IGSF9: variants seen among roughly 807,000 people sequenced by gnomAD.
IGSF9 encodes the protein protein turtle homolog A.
Under a neutral mutation model 121.7 loss-of-function variants are expected in IGSF9, and 87 were observed. The observed-to-expected ratio is 0.71, with a 90% CI of 0.60 to 0.85. The LOEUF is 0.85. IGSF9 is among the 40% of genes least tolerant of loss of function. The probability of loss-of-function intolerance (pLI) is 0.00; values close to 1 mark genes in which losing one functional copy is unlikely to be tolerated. For synonymous variants in IGSF9, 640 were observed against 648.4 expected, an observed-to-expected ratio of 0.99 and a Z score of 0.20; for missense variants, 1,462 against 1,565.3, an observed-to-expected ratio of 0.93 and a Z score of 1.11.
chr1:159,936,718 T>G (rs745604149), intron 5 of IGSF9, 36 bp downstream of exon 5: 1 of 1,607,476 alleles, frequency 6.2e-7, no homozygotes, highest in Non-Finnish European at 8.5e-7. Flanking sequence ...CCCTTCACAC[T>G]CTATATGGCT....
Position 159,932,069 on chromosome 1 carries a change from C to T in IGSF9, c.1246-141G>A, listed in dbSNP as rs1651020394. The T allele has an allele frequency of 1.6e-6, 1 of 613,166 alleles. No homozygotes were observed. 38.0% of individuals were successfully genotyped at this position (613,166 alleles called of 1,614,324 possible). A position where few individuals can be genotyped will look rare whatever the true frequency, so the allele number is the denominator to read the frequency against. ...AGCTAAACACTCACCAAGCCTGTCTCTACCTCATTCTCTCTCCATCTCTCA... is the reference window on the plus strand; with the variant it reads ...AGCTAAACACTCACCAAGCCTGTCTTTACCTCATTCTCTCTCCATCTCTCA... On this transcript the variant is annotated intron_variant, in intron 10 of 20. Coordinates refer to ENST00000368094, the MANE Select transcript of IGSF9 (RefSeq NM_001135050.2). This position sits in a 1 kb window ranked among gnomAD's most constrained non-coding sequence, Gnocchi z 4.1.
intron 17 of IGSF9, 45 bp from the exon 18 acceptor site, chr1:159,929,438 G>A (rs759034361): frequency 3.1e-6 from 5 of 1,604,542 alleles, no homozygotes; most frequent in East Asian, 2.2e-5. Context: ...AAAAATCAAG[G>A]CCCTCTAGGC....
Position 159,927,097 on chromosome 1 carries a change from C to CAGAGAGAGAG in IGSF9, c.*238_*247dup, listed in dbSNP as rs1553225973. 29 of 371,946 alleles carry CAGAGAGAGAG rather than the reference C, an allele frequency of 7.8e-5. No homozygotes were observed. Among genetic ancestry groups the CAGAGAGAGAG allele is most frequent in the South Asian group, 3.0e-4 (8 of 26,274 alleles). The allele number at this position is 371,946 out of a possible 1,614,324, so 23.0% of individuals were successfully genotyped here. On this transcript the variant is annotated 3_prime_UTR_variant, in exon 21 of 21. Transcript: ENST00000368094. ...AACTTCACACACACACACACACACA[C>CAGAGAGAGAG]AGAGAGAGAGAGAGAGAGAGAGAGA...
In IGSF9 at chr1:159,936,911, G is replaced by T; in HGVS notation, c.401-3C>A. ...TGTCTCCTGGAATTGAGGGGGTGCTGCAAGGGAGACAGGCATCAGGGGCCC... is the reference window on the plus strand; with the variant it reads ...TGTCTCCTGGAATTGAGGGGGTGCTTCAAGGGAGACAGGCATCAGGGGCCC... On this transcript the variant is annotated splice_polypyrimidine_tract_variant and splice_region_variant and intron_variant, in intron 4 of 20. Coordinates refer to ENST00000368094, the MANE Select transcript of IGSF9 (RefSeq NM_001135050.2). The T allele has an allele frequency of 6.2e-7, 1 of 1,614,012 alleles. No individual in the cohort carries two copies. Among genetic ancestry groups the T allele is most frequent in the Non-Finnish European group, 8.5e-7 (1 of 1,179,904 alleles).
intron 6 of IGSF9, among the ~76,000 whole-genome samples, chr1:159,935,167 C>T (rs991415618): frequency 3.9e-5 from 6 of 152,144 alleles, no homozygotes; most frequent in Non-Finnish European, 7.4e-5. Flanking sequence ...TTCTCTGTCT[C>T]TGGCCCTAAC....
At chr1:159,933,980 G>T in intron 9 of IGSF9, 1 of 587,852 alleles carries the variant, frequency 1.7e-6, no homozygotes, top group South Asian at 2.1e-5. Flanking sequence ...CCCCAAAGAA[G>T]ACACAAAACC....
rs151260511 is a variant in IGSF9, at chr1:159,941,358, G to A, written c.247+1605C>T. Among the ~76,000 whole-genome samples, 765 of 152,328 alleles carry A rather than the reference G, an allele frequency of 5.0e-3. 6 individuals carry two copies. Among genetic ancestry groups the A allele is most frequent in the Non-Finnish European group, 8.0e-3 (547 of 68,034 alleles). On this transcript the variant is annotated intron_variant, in intron 3 of 20. Transcript: ENST00000368094. ...CTGAGAGGCCCCTTCCACACTGTGA[G>A]GCAGTAAAAGGGTTAATGGGCTCAG...
intron 15 of IGSF9, 75 bp from the exon 16 acceptor site, chr1:159,930,050 G>T: frequency 2.6e-6 from 4 of 1,560,286 alleles, no homozygotes; most frequent in Non-Finnish European, 3.5e-6. Context: ...CGGAAAGACC[G>T]TGCACGTGGG....
chr1:159,927,436 A>T lies in IGSF9; in HGVS notation c.3449T>A (p.Leu1150Gln). The T allele has an allele frequency of 2.5e-6, 4 of 1,614,076 alleles. No homozygotes were observed. Among genetic ancestry groups the T allele is most frequent in the Non-Finnish European group, 2.5e-6 (3 of 1,180,014 alleles). The change falls in exon 21 of 21, where the codon CTG (leucine) becomes CAG (glutamine). Residue 1150 changes from leucine (L) to glutamine (Q), a missense_variant. Leu to Gln is a moderately radical substitution (Grantham distance 113, BLOSUM62 -2). Around this residue, in one of 3 missense-constraint regions of IGSF9, gnomAD observed 808 missense variants for 815.2 expected, o/e 0.99. Coordinates refer to ENST00000368094, the MANE Select transcript of IGSF9 (RefSeq NM_001135050.2). ...AGCATCTCGGCGGCGGCGGAAGGCC[A>T]GGAATTCCTCCCGAAGGGCAGCACA... ...ARCAALREEFLAFRRRRDATR... is the reference protein window; with the variant it reads ...ARCAALREEFQAFRRRRDATR...
At chr1:159,929,112 G>A (rs1650875349) in intron 18 of IGSF9, 94 bp from the exon 19 acceptor site, 4 of 1,437,076 alleles carry the variant, frequency 2.8e-6, no homozygotes, top group Admixed American at 2.4e-5. Context: ...GAACAACAGA[G>A]CAGAGCTAGG....
In IGSF9 at chr1:159,931,170, A is replaced by T. The variant is rs755120947; in HGVS notation, c.1605T>A (p.Tyr535Ter). The T allele has an allele frequency of 6.2e-7, 1 of 1,614,164 alleles. No homozygotes were observed. Among genetic ancestry groups the T allele is most frequent in the Non-Finnish European group, 8.5e-7 (1 of 1,180,006 alleles). Residue 535 changes from tyrosine to a stop codon, truncating the protein, a stop_gained, in exon 13 of 21, where the codon TAT (tyrosine) becomes TAA (stop). Transcript: ENST00000368094. LOFTEE classifies it high-confidence loss of function. This position sits in a 1 kb window ranked among gnomAD's most constrained non-coding sequence, Gnocchi z 4.8. ...VSWEPGFDGGYLQRFSVWYTP... is the reference protein window; with the variant it reads ...VSWEPGFDGG ...TGTACCAGACACTGAATCTCTGCAG[A>T]TAACCACCATCAAAGCCAGGCTCCC...
rs566383386 is a variant in IGSF9, at chr1:159,928,820, C to A, written c.2568G>T (p.Gly856=). 2.0e-6 allele frequency: 3 copies of A among 1,520,716 alleles called. No individual in the cohort carries two copies. Among genetic ancestry groups the A allele is most frequent in the African/African-American group, 2.8e-5 (2 of 71,660 alleles). The allele number at this position is 1,520,716 out of a possible 1,614,324, so 94.2% of individuals were successfully genotyped here. The change falls in exon 19 of 21, where the codon GGG becomes GGT. Residue 856 remains glycine, a synonymous_variant. Coordinates refer to ENST00000368094, the MANE Select transcript of IGSF9 (RefSeq NM_001135050.2). ...CRGPDGRFVM[G]PTVAAPQERS... ...TTTCCTGGGGGGCCGCCACAGTGGG[C>A]CCCATCACAAAGCGCCCGTCTGGGC...
chr1:159,929,367 C>CGGT lies in IGSF9; in HGVS notation c.2350_2352dup (p.Thr784dup), dbSNP rs2101874382. 1 of 1,614,082 alleles carries CGGT rather than the reference C, an allele frequency of 6.2e-7. No individual in the cohort carries two copies. The highest frequency in any genetic ancestry group is 1.1e-5 in the South Asian group (1 of 91,076). ...GGCACTTACGGTGCAGCTGACTTCC[C>CGGT]GGTCGGAGAGAAGATAAGAGGTGGA... On this transcript the variant is annotated inframe_insertion, in exon 18 of 21. Coordinates refer to ENST00000368094, the MANE Select transcript of IGSF9 (RefSeq NM_001135050.2).
chr1:159,931,380 CCT>C lies in IGSF9; in HGVS notation c.1513+71_1513+72del. On this transcript the variant is annotated intron_variant, in intron 12 of 20. Transcript: ENST00000368094. This position sits in a 1 kb window ranked among gnomAD's most constrained non-coding sequence, Gnocchi z 4.8. ...ATCCCAGGGGTCCCACACCCATGAT[CCT>C]CTTTCTGGGCCTCCAAAAACGATTC... 6.3e-7 allele frequency: 1 copy of C among 1,597,328 alleles called. No individual in the cohort carries two copies. The highest frequency in any genetic ancestry group is 1.1e-5 in the South Asian group (1 of 88,886).
chr1:159,930,625 A>G lies in IGSF9; in HGVS notation c.1813+67T>C, dbSNP rs191411029. 3.1e-5 allele frequency: 49 copies of G among 1,599,242 alleles called. No homozygotes were observed. In the African/African-American group the frequency reaches 6.0e-4, roughly 20 times the overall value. ...CCCCTTCCCACCCAGGGCCTCCCATATCCCAGCTCTCCCAGCAGCCCTTCC... is the reference window on the plus strand; with the variant it reads ...CCCCTTCCCACCCAGGGCCTCCCATGTCCCAGCTCTCCCAGCAGCCCTTCC... On this transcript the variant is annotated intron_variant, in intron 14 of 20. Coordinates refer to ENST00000368094, the MANE Select transcript of IGSF9 (RefSeq NM_001135050.2).
chr1:159,930,998 G>A (rs1487350420), intron 13 of IGSF9, 131 bp from the exon 14 acceptor site: 9 of 1,459,814 alleles, frequency 6.2e-6, no homozygotes, highest in African/African-American at 1.4e-5. Context: ...GAATGCCTCA[G>A]AATCTGGAAA....
intron 14 of IGSF9, 79 bp from the exon 15 acceptor site, chr1:159,930,518 A>G (rs764985747): frequency 1.5e-4 from 221 of 1,516,478 alleles, no homozygotes; most frequent in Middle Eastern, 2.3e-4. Context: ...CCAGTGCCCA[A>G]CTCTTCTCCC....
At chr1:159,934,931 C>G in intron 6 of IGSF9, 109 bp from the exon 7 acceptor site, 5 of 1,335,276 alleles carry the variant, frequency 3.7e-6, no homozygotes, top group Non-Finnish European at 5.2e-6. Context: ...TCTTAGGGCT[C>G]GTTGTTACAG....
chr1:159,934,231 CAA>C lies in IGSF9; in HGVS notation c.1061_1062del (p.Phe354CysfsTer153), dbSNP rs1428662153. 1 of 1,614,060 alleles carries C rather than the reference CAA, an allele frequency of 6.2e-7. No individual in the cohort carries two copies. ...CPVRANPPLL[F>X]VSWTKDGKAL... ...GCCTTTCCATCCTTGGTCCAGCTGACAAAGAGCAGTGGGGGGTTGGCACGAAC... is the reference window on the plus strand; with the variant it reads ...GCCTTTCCATCCTTGGTCCAGCTGACAGAGCAGTGGGGGGTTGGCACGAAC... On this transcript the variant is annotated frameshift_variant, in exon 9 of 21. Coordinates refer to ENST00000368094, the MANE Select transcript of IGSF9 (RefSeq NM_001135050.2). LOFTEE classifies it high-confidence loss of function.
Sources: gnomAD v4.1 joint callset for allele counts (sites outside exome capture counted in the v4.1 genomes callset) on GRCh38, gnomAD v4.1.1 for gene constraint, gnomAD v4.1.1 regional missense constraint, Gnocchi (gnomAD v3.1) non-coding constraint, MANE v1.5 for transcripts, NCBI Gene and HGNC (gene_info 2026-07-23, HGNC 2026-07-21) for gene names.